Variants in GPC5 observed in about 807,000 individuals in gnomAD.
GPC5 encodes the protein glypican 5.
In GPC5, 47 loss-of-function variants were observed where a neutral mutation model predicts 53.9. That is an observed-to-expected ratio of 0.87 (90% CI 0.69 to 1.11). The LOEUF is 1.11. Among genes scored for constraint, GPC5 ranks in the 50% most tolerant of loss-of-function variants. The pLI is 0.00. For missense variants in GPC5, 748 were observed against 713.1 expected (o/e 1.05, Z -0.56); for synonymous variants, 286 against 263.3 (o/e 1.09, Z -0.84).
intron 7 of GPC5, among the ~76,000 whole-genome samples, chr13:92,324,555 A>G (rs2043237386): frequency 6.6e-6 from 1 of 151,946 alleles, no homozygotes; most frequent in African/African-American, 2.4e-5. Context: ...TGTTTTAATA[A>G]CGATAAAATA....
intron 7 of GPC5, among the ~76,000 whole-genome samples, chr13:92,412,908 A>G (rs1223650829): frequency 6.6e-6 from 1 of 152,216 alleles, no homozygotes. Flanking sequence ...GTTGCTGGTA[A>G]GAAATATAAA....
rs193299353 is a variant in GPC5 at position 92,426,133 on chromosome 13, G to T, written c.1561+281144G>T. Among the ~76,000 whole-genome samples the T allele has an allele frequency of 3.6e-3, 546 of 152,168 alleles. 1 individual carries two copies. The highest frequency in any genetic ancestry group is 0.012 in the African/African-American group (500 of 41,542). ...ACCAAGGTTCACAATGGAAGCTTCAGTTTTCCCCAGAATTTGTTCATTTTA... is the reference window on the plus strand; with the variant it reads ...ACCAAGGTTCACAATGGAAGCTTCATTTTTCCCCAGAATTTGTTCATTTTA... On this transcript the variant is annotated intron_variant, in intron 7 of 7. Transcript: ENST00000377067.
intron 7 of GPC5, among the ~76,000 whole-genome samples, chr13:92,844,638 G>C (rs1878550310): frequency 6.6e-6 from 1 of 151,956 alleles, no homozygotes; most frequent in South Asian, 2.1e-4. Flanking sequence ...GACATAGGCA[G>C]TTCACATCAT....
intron 7 of GPC5, among the ~76,000 whole-genome samples, chr13:92,645,155 C>A (rs1174023262): frequency 6.6e-6 from 1 of 152,100 alleles, no homozygotes; most frequent in Admixed American, 6.6e-5. Flanking sequence ...CCTTTAAAGT[C>A]AATTCCTTTC....
chr13:92,398,257 G>A (rs1208253029), intron 7 of GPC5, among the ~76,000 whole-genome samples: 4 of 150,484 alleles, frequency 2.7e-5, no homozygotes, highest in Non-Finnish European at 4.4e-5. Context: ...GTGAAACCCC[G>A]TCTCTACTAA....
intron 3 of GPC5, among the ~76,000 whole-genome samples, chr13:91,708,619 C>G (rs1224039541): frequency 6.6e-6 from 1 of 152,042 alleles, no homozygotes; most frequent in Non-Finnish European, 1.5e-5. Flanking sequence ...GGTTGCACTA[C>G]TCTGTGAATA....
intron 6 of GPC5, among the ~76,000 whole-genome samples, chr13:92,026,286 C>A (rs1164231758): frequency 1.3e-5 from 2 of 151,840 alleles, no homozygotes. Flanking sequence ...CTATATTTTG[C>A]ATATTTGATA....
chr13:92,569,903 T>C (rs1161514696), intron 7 of GPC5, among the ~76,000 whole-genome samples: 3 of 152,208 alleles, frequency 2.0e-5, no homozygotes, highest in East Asian at 1.9e-4. Context: ...CACTGTGTTC[T>C]TTCTTTCCTA....
intron 7 of GPC5, among the ~76,000 whole-genome samples, chr13:92,845,489 C>T (rs902928236): frequency 6.6e-6 from 1 of 152,142 alleles, no homozygotes; most frequent in Non-Finnish European, 1.5e-5. Context: ...AGAGGTTTCT[C>T]TCTTGCTCAA....
chr13:92,315,889 G>C (rs950171886), intron 7 of GPC5, among the ~76,000 whole-genome samples: 1 of 152,140 alleles, frequency 6.6e-6, no homozygotes, highest in East Asian at 1.9e-4. Flanking sequence ...TGAAGATATT[G>C]AAAAAGACTT....
At chr13:91,694,898 C>T (rs752927027) in intron 3 of GPC5, among the ~76,000 whole-genome samples, 3 of 152,192 alleles carry the variant, frequency 2.0e-5, no homozygotes, top group Admixed American at 1.3e-4. Context: ...CATGAGCCAC[C>T]GCGCCCAGCG....
intron 4 of GPC5, among the ~76,000 whole-genome samples, chr13:91,741,856 G>T (rs1223093509): frequency 6.6e-6 from 1 of 152,110 alleles, no homozygotes; most frequent in African/African-American, 2.4e-5. Context: ...GATTCTTTCA[G>T]AAAAATTTAA....
intron 2 of GPC5, among the ~76,000 whole-genome samples, chr13:91,495,205 C>T (rs1374253948): frequency 6.6e-6 from 1 of 152,096 alleles, no homozygotes; most frequent in Non-Finnish European, 1.5e-5. Flanking sequence ...CAAATATATC[C>T]ACAATCTGAA....
chr13:91,732,078 T>G (rs1396219531), intron 4 of GPC5, among the ~76,000 whole-genome samples: 1 of 152,220 alleles, frequency 6.6e-6, no homozygotes, highest in Non-Finnish European at 1.5e-5. Context: ...CAAATGGTAT[T>G]TCTGGTTCTA....
At chr13:92,623,031 A>T (rs992124188) in intron 7 of GPC5, among the ~76,000 whole-genome samples, 1 of 151,702 alleles carries the variant, frequency 6.6e-6, no homozygotes, top group African/African-American at 2.4e-5. Context: ...AAAAAGTTAT[A>T]TTTTTTTTAC....
At chr13:92,544,134 T>G (rs1428630050) in intron 7 of GPC5, among the ~76,000 whole-genome samples, 1 of 151,986 alleles carries the variant, frequency 6.6e-6, no homozygotes, top group African/African-American at 2.4e-5. Context: ...GAGAGGGAGG[T>G]GTGATTTGTA....
chr13:92,590,556 A>G (rs145798694), intron 7 of GPC5, among the ~76,000 whole-genome samples: 176 of 152,350 alleles, frequency 1.2e-3, no homozygotes, highest in Non-Finnish European at 2.0e-3. Flanking sequence ...GAGCTGAGTC[A>G]TGACAGTTGA....
At chr13:92,199,024 T>C (rs1419057943) in intron 7 of GPC5, among the ~76,000 whole-genome samples, 1 of 152,216 alleles carries the variant, frequency 6.6e-6, no homozygotes, top group Non-Finnish European at 1.5e-5. Context: ...AAATACTGTT[T>C]GATACTCTTC....
intron 2 of GPC5, among the ~76,000 whole-genome samples, chr13:91,499,876 A>T (rs1336235704): frequency 1.3e-5 from 2 of 152,222 alleles, no homozygotes; most frequent in African/African-American, 4.8e-5. Flanking sequence ...AAAAATTGCC[A>T]ATGTGCAATA....
Sources: allele counts gnomAD v4.1 joint callset (sites outside exome capture counted in the v4.1 genomes callset), GRCh38; gene constraint gnomAD v4.1.1; transcripts MANE v1.5; gene names NCBI Gene and HGNC (gene_info 2026-07-23, HGNC 2026-07-21).